Variants in CLDN10 observed in about 807,000 individuals in gnomAD.
CLDN10 encodes claudin-10.
Under a neutral mutation model 22.9 loss-of-function variants are expected in CLDN10, and 15 were observed. The ratio of observed to expected loss-of-function variants is 0.65; its 90% confidence interval spans 0.44 to 1.01. The LOEUF (loss-of-function observed/expected upper bound fraction) is 1.01. Among genes scored for constraint, CLDN10 ranks in the 50% least tolerant of loss-of-function variants. CLDN10 has a pLI of 0.00. For synonymous variants in CLDN10, 114 were observed against 111.4 expected (o/e 1.02, Z -0.15); for missense variants, 247 against 287.8 (o/e 0.86, Z 1.03).
At chr13:95,518,160 G>T (rs1251348589) in intron 1 of CLDN10, among the ~76,000 whole-genome samples, 1 of 152,128 alleles carries the variant, frequency 6.6e-6, no homozygotes, top group African/African-American at 2.4e-5. Flanking sequence ...CTGCCATAGG[G>T]TTGTGAGGTT....
At chr13:95,480,817 C>G (rs114722176) in intron 1 of CLDN10, among the ~76,000 whole-genome samples, 3,013 of 152,272 alleles carry the variant, frequency 0.02, 95 homozygotes, top group African/African-American at 0.068. Flanking sequence ...CCAATGAAGG[C>G]CCATAAGCTA....
At chr13:95,539,702 C>T (rs1311863165) in intron 1 of CLDN10, among the ~76,000 whole-genome samples, 3 of 152,168 alleles carry the variant, frequency 2.0e-5, no homozygotes, top group Non-Finnish European at 4.4e-5. Flanking sequence ...CCTGAGAACA[C>T]TTACATATTC....
chr13:95,569,773 T>TA (rs1302951388), intron 3 of CLDN10, among the ~76,000 whole-genome samples: 5 of 151,954 alleles, frequency 3.3e-5, no homozygotes, highest in African/African-American at 1.2e-4. Flanking sequence ...AAATGTCAGA[T>TA]ACGCCTTTTT....
chr13:95,496,585 C>T (rs1310301806), intron 1 of CLDN10, among the ~76,000 whole-genome samples: 1 of 152,190 alleles, frequency 6.6e-6, no homozygotes, highest in Non-Finnish European at 1.5e-5. Context: ...GGTCAAGGGC[C>T]GGCAGATTGA....
intron 3 of CLDN10, among the ~76,000 whole-genome samples, chr13:95,566,549 A>C (rs1594618142): frequency 6.6e-6 from 1 of 152,124 alleles, no homozygotes; most frequent in African/African-American, 2.4e-5. Flanking sequence ...AGATTGCAAA[A>C]ATTTTCTCCC....
chr13:95,460,720 G>GCCTCAAC (rs112788581), intron 1 of CLDN10, among the ~76,000 whole-genome samples: 10 of 152,202 alleles, frequency 6.6e-5, no homozygotes, highest in African/African-American at 2.4e-4. Flanking sequence ...GCTCACTGCA[G>GCCTCAAC]CCTCAACCTC....
intron 1 of CLDN10, among the ~76,000 whole-genome samples, chr13:95,502,842 G>C (rs2042999931): frequency 6.6e-6 from 1 of 152,212 alleles, no homozygotes; most frequent in African/African-American, 2.4e-5. Context: ...TTAAGTGAGG[G>C]GGATGTGCAC....
intron 1 of CLDN10, among the ~76,000 whole-genome samples, chr13:95,515,329 G>T (rs1448009005): frequency 6.6e-6 from 1 of 152,202 alleles, no homozygotes; most frequent in Non-Finnish European, 1.5e-5. Flanking sequence ...CTCCTGAGCA[G>T]CTGAAATTAC....
intron 1 of CLDN10, among the ~76,000 whole-genome samples, chr13:95,507,394 G>A (rs1244743353): frequency 6.6e-6 from 1 of 152,160 alleles, no homozygotes; most frequent in Non-Finnish European, 1.5e-5. Flanking sequence ...ATGACTTCAT[G>A]TATGTTATTT....
chr13:95,442,458 T>C (rs984858189), intron 1 of CLDN10, among the ~76,000 whole-genome samples: 2 of 152,250 alleles, frequency 1.3e-5, no homozygotes, highest in African/African-American at 2.4e-5. Flanking sequence ...TATTGGACTA[T>C]AGTTTGCACT....
At chr13:95,455,435 G>C (rs1382103703) in intron 1 of CLDN10, among the ~76,000 whole-genome samples, 1 of 152,092 alleles carries the variant, frequency 6.6e-6, no homozygotes, top group African/African-American at 2.4e-5. Context: ...ATATAAATTG[G>C]ACTTAAACTG....
At chr13:95,552,488 A>C (rs2043576869), upstream of CLDN10, among the ~76,000 whole-genome samples, 1 of 152,116 alleles carries the variant, frequency 6.6e-6, no homozygotes, top group Non-Finnish European at 1.5e-5. Context: ...AGGGGAGCGC[A>C]GGCCGGCCTT....
At chr13:95,530,640 C>T (rs1203064879) in intron 1 of CLDN10, among the ~76,000 whole-genome samples, 3 of 152,128 alleles carry the variant, frequency 2.0e-5, no homozygotes, top group Admixed American at 6.5e-5. Context: ...AAGAAAAATA[C>T]CTGCTACATA....
At chr13:95,552,711 G>T, upstream of CLDN10, 1 of 1,569,154 alleles carries the variant, frequency 6.4e-7, no homozygotes, top group Non-Finnish European at 8.6e-7. Context: ...GGGTCGCGGC[G>T]CAGAGTGGGA....
intron 1 of CLDN10, among the ~76,000 whole-genome samples, chr13:95,476,013 G>A (rs75157929): frequency 3.3e-5 from 5 of 152,004 alleles, no homozygotes; most frequent in African/African-American, 9.7e-5. Context: ...CACCCCCATC[G>A]CCCAGATTGC....
In CLDN10 at chr13:95,482,847, C is replaced by T. The variant is rs1270465808; in HGVS notation, c.214+48800C>T. 7.2e-5 allele frequency among the ~76,000 whole-genome samples: 11 copies of T among 152,150 alleles called. No homozygotes were observed. The South Asian group carries it at 1.5e-3, about 20-fold the overall frequency. ...ACAAAAAATTAGCTTGGCATGGTGGCGTGTGCCTGTAATCCCAGCTACTCC... is the reference window on the plus strand; with the variant it reads ...ACAAAAAATTAGCTTGGCATGGTGGTGTGTGCCTGTAATCCCAGCTACTCC... On this transcript the variant is annotated intron_variant, in intron 1 of 4. Transcript: ENST00000376873.
At chr13:95,546,254 G>A (rs2043508330) in intron 1 of CLDN10, among the ~76,000 whole-genome samples, 1 of 152,070 alleles carries the variant, frequency 6.6e-6, no homozygotes, top group Non-Finnish European at 1.5e-5. Flanking sequence ...GAGTTGTCTT[G>A]GTGGGAAGCA....
chr13:95,551,235 G>A (rs1280680866), upstream of CLDN10, among the ~76,000 whole-genome samples: 1 of 152,208 alleles, frequency 6.6e-6, no homozygotes, highest in African/African-American at 2.4e-5. Flanking sequence ...ACATTGAAGA[G>A]AGACAGATTT....
At chr13:95,466,746 G>A (rs984368733) in intron 1 of CLDN10, among the ~76,000 whole-genome samples, 1 of 151,978 alleles carries the variant, frequency 6.6e-6, no homozygotes, top group South Asian at 2.1e-4. Flanking sequence ...GCATTTACTT[G>A]TAAAAATTTT....
Sources: gnomAD v4.1 joint callset for allele counts (sites outside exome capture counted in the v4.1 genomes callset) on GRCh38, gnomAD v4.1.1 for gene constraint, MANE v1.5 for transcripts, NCBI Gene and HGNC (gene_info 2026-07-23, HGNC 2026-07-21) for gene names.